Variants in GRM8 observed in about 807,000 individuals in gnomAD.
The protein encoded by GRM8 is glutamate metabotropic receptor 8.
GRM8 carries 47 observed loss-of-function variants against 87.2 expected under a neutral mutation model. That is an observed-to-expected ratio of 0.54 (90% CI 0.43 to 0.69). The LOEUF is 0.69. GRM8 is among the 30% of genes least tolerant of loss of function. The probability of loss-of-function intolerance (pLI) is 0.00; values close to 1 mark genes in which losing one functional copy is unlikely to be tolerated. For missense variants in GRM8, 1,019 were observed against 1,139.2 expected (o/e 0.89, Z 1.52); for synonymous variants, 396 against 404.5 (o/e 0.98, Z 0.25).
At chr7:126,769,178 C>A (rs1818559930) in intron 7 of GRM8, among the ~76,000 whole-genome samples, 2 of 152,094 alleles carry the variant, frequency 1.3e-5, no homozygotes, top group Non-Finnish European at 2.9e-5. Flanking sequence ...CATTGCAACT[C>A]TCATGAAAGA....
chr7:127,205,316 G>A (rs374326518), intron 2 of GRM8, among the ~76,000 whole-genome samples: 18 of 152,236 alleles, frequency 1.2e-4, no homozygotes, highest in Non-Finnish European at 1.2e-4. Context: ...CATTCAAGGC[G>A]GTGAGATGGG....
chr7:126,807,045 G>A lies in GRM8; in HGVS notation c.1157-36980C>T, dbSNP rs576505241. Among the ~76,000 whole-genome samples, 6 of 152,314 alleles carry A rather than the reference G, an allele frequency of 3.9e-5. No individual in the cohort carries two copies. In the East Asian group the frequency reaches 9.7e-4, roughly 25 times the overall value. ...AGTGAGCGAGGGCTGCTAGCATGTTGTCACCTCTCACTACCAGGGGATATA... is the reference window on the plus strand; with the variant it reads ...AGTGAGCGAGGGCTGCTAGCATGTTATCACCTCTCACTACCAGGGGATATA... On this transcript the variant is annotated intron_variant, in intron 6 of 10. Coordinates refer to ENST00000339582, the MANE Select transcript of GRM8 (RefSeq NM_000845.3).
At chr7:126,920,761 T>C (rs899040985) in intron 3 of GRM8, among the ~76,000 whole-genome samples, 8 of 152,250 alleles carry the variant, frequency 5.3e-5, no homozygotes, top group Admixed American at 5.2e-4. Context: ...GCATGCTGAA[T>C]GGATAGTCCC....
rs140146822 is a variant in GRM8, at chr7:126,637,533, C to T, written c.1358-28035G>A. Reference sequence around the variant, plus strand: ...CTGGATATTTCCAGATAACAAACCACCAAAAAGCAAATACAAAAATGGCTT... The same window carrying T: ...CTGGATATTTCCAGATAACAAACCATCAAAAAGCAAATACAAAAATGGCTT... On this transcript the variant is annotated intron_variant, in intron 7 of 10. Coordinates refer to ENST00000339582, the MANE Select transcript of GRM8 (RefSeq NM_000845.3). Among the ~76,000 whole-genome samples, 98 of 151,946 alleles carry T rather than the reference C, an allele frequency of 6.4e-4. 1 individual carries two copies. In the East Asian group the frequency reaches 0.016, roughly 25 times the overall value.
At chr7:126,576,010 A>G (rs9641800) in intron 8 of GRM8, among the ~76,000 whole-genome samples, 46,936 of 151,976 alleles carry the variant, frequency 0.31, 8,130 homozygotes, top group East Asian at 0.44. Flanking sequence ...TATTGGTCAA[A>G]TGCTATAGCT....
At chr7:127,216,800 C>A (rs1252943380) in intron 2 of GRM8, among the ~76,000 whole-genome samples, 1 of 152,156 alleles carries the variant, frequency 6.6e-6, no homozygotes, top group Non-Finnish European at 1.5e-5. Context: ...CTCACTTTAG[C>A]TCTTTTGCAC....
chr7:127,113,763 G>C (rs1452706317), intron 2 of GRM8, among the ~76,000 whole-genome samples: 1 of 151,566 alleles, frequency 6.6e-6, no homozygotes, highest in East Asian at 1.9e-4. Context: ...CAAAACTCAG[G>C]TCAAAAAAAA....
At chr7:126,619,832 A>C (rs1048177881) in intron 7 of GRM8, among the ~76,000 whole-genome samples, 4 of 152,072 alleles carry the variant, frequency 2.6e-5, no homozygotes, top group African/African-American at 9.7e-5. Flanking sequence ...CTGGGATCAC[A>C]GGCCTGTGCC....
intron 7 of GRM8, among the ~76,000 whole-genome samples, chr7:126,745,561 T>C (rs1815559807): frequency 6.6e-6 from 1 of 151,652 alleles, no homozygotes; most frequent in African/African-American, 2.4e-5. Context: ...ATCTGCTCAA[T>C]TAATGAAAAT....
At chr7:126,602,518 T>C (rs1263310925) in intron 8 of GRM8, among the ~76,000 whole-genome samples, 3 of 141,162 alleles carry the variant, frequency 2.1e-5, no homozygotes, top group Admixed American at 7.1e-5. Flanking sequence ...GTAAATTACC[T>C]TGGGCAGTAT....
chr7:127,222,249 T>C (rs1796980885), intron 2 of GRM8, among the ~76,000 whole-genome samples: 1 of 152,038 alleles, frequency 6.6e-6, no homozygotes, highest in Non-Finnish European at 1.5e-5. Flanking sequence ...TTGCAAAAAA[T>C]ATATAAAAAG....
chr7:127,216,292 G>C (rs1270761473), intron 2 of GRM8, among the ~76,000 whole-genome samples: 3 of 152,062 alleles, frequency 2.0e-5, no homozygotes, highest in Non-Finnish European at 2.9e-5. Flanking sequence ...GCCGAGGCGG[G>C]AGGATCACGA....
At chr7:127,214,083 T>C (rs1796376440) in intron 2 of GRM8, among the ~76,000 whole-genome samples, 2 of 152,228 alleles carry the variant, frequency 1.3e-5, no homozygotes, top group Admixed American at 1.3e-4. Context: ...AAAGGTCATA[T>C]ACAAAAGATT....
rs540334781 is a variant in GRM8 at position 126,645,876 on chromosome 7, C to T, written c.1358-36378G>A. 3.0e-4 allele frequency among the ~76,000 whole-genome samples: 45 copies of T among 152,314 alleles called. 1 individual carries two copies. The South Asian group carries it at 9.3e-3, about 32-fold the overall frequency. ...TCTACCTCCTACTAAATCTCAGTTTCCATTTGCCTTTTGCCTCAGCTGATG... is the reference window on the plus strand; with the variant it reads ...TCTACCTCCTACTAAATCTCAGTTTTCATTTGCCTTTTGCCTCAGCTGATG... On this transcript the variant is annotated intron_variant, in intron 7 of 10. Coordinates refer to ENST00000339582, the MANE Select transcript of GRM8 (RefSeq NM_000845.3).
intron 3 of GRM8, among the ~76,000 whole-genome samples, chr7:126,975,595 G>A (rs966750211): frequency 6.6e-6 from 1 of 152,090 alleles, no homozygotes; most frequent in South Asian, 2.1e-4. Flanking sequence ...GAAGGCATGC[G>A]CCTACCCTCA....
intron 3 of GRM8, among the ~76,000 whole-genome samples, chr7:126,969,797 C>T (rs1291975671): frequency 1.3e-5 from 2 of 152,052 alleles, no homozygotes; most frequent in Admixed American, 1.3e-4. Flanking sequence ...ACAGGTATCG[C>T]TATCTAGGAA....
intron 6 of GRM8, among the ~76,000 whole-genome samples, chr7:126,798,737 G>C (rs1374897006): frequency 6.6e-6 from 1 of 152,094 alleles, no homozygotes; most frequent in Non-Finnish European, 1.5e-5. Context: ...TGAAGTTCTG[G>C]GACTTGCTGC....
chr7:126,689,633 T>A (rs1396402250), intron 7 of GRM8, among the ~76,000 whole-genome samples: 1 of 152,040 alleles, frequency 6.6e-6, no homozygotes, highest in Non-Finnish European at 1.5e-5. Flanking sequence ...TGGAAAGGAT[T>A]TTCCAAAAGA....
intron 3 of GRM8, among the ~76,000 whole-genome samples, chr7:126,908,885 G>A (rs1802982542): frequency 6.6e-6 from 1 of 152,174 alleles, no homozygotes; most frequent in Non-Finnish European, 1.5e-5. Context: ...TGTGCTGTTT[G>A]GTGCCTGTGT....
Sources: allele counts gnomAD v4.1 joint callset (sites outside exome capture counted in the v4.1 genomes callset), GRCh38; gene constraint gnomAD v4.1.1; transcripts MANE v1.5; gene names NCBI Gene and HGNC (gene_info 2026-07-23, HGNC 2026-07-21).